Variants in PDS5B observed in about 807,000 individuals in gnomAD.
The protein encoded by PDS5B is sister chromatid cohesion protein PDS5 homolog B.
PDS5B carries 51 observed loss-of-function variants against 184.1 expected under a neutral mutation model. The ratio of observed to expected loss-of-function variants is 0.28; its 90% confidence interval spans 0.22 to 0.35. The LOEUF (loss-of-function observed/expected upper bound fraction) is 0.35. Among genes scored for constraint, PDS5B ranks in the 10% least tolerant of loss-of-function variants. The pLI, the probability that PDS5B is intolerant of heterozygous loss-of-function variation, is 1.00. For synonymous variants in PDS5B, 566 were observed against 569.2 expected (o/e 0.99, Z 0.08); for missense variants, 1,180 against 1,723.3 (o/e 0.68, Z 5.58).
At chr13:32,601,968 C>T (rs1418320291) in intron 1 of PDS5B, among the ~76,000 whole-genome samples, 1 of 151,914 alleles carries the variant, frequency 6.6e-6, no homozygotes, top group South Asian at 2.1e-4. Flanking sequence ...GAACATTGTC[C>T]GTTTTGTTTT....
rs540716528 is a variant in PDS5B, at chr13:32,654,847, T to C, written c.312+2840T>C. Reference sequence around the variant, plus strand: ...TGGCTTCCAGTGGCATCCATGTTGCTGCACAGGACATAATCTCATTTTTTA... The same window carrying C: ...TGGCTTCCAGTGGCATCCATGTTGCCGCACAGGACATAATCTCATTTTTTA... On this transcript the variant is annotated intron_variant, in intron 3 of 34. Coordinates refer to ENST00000315596, the MANE Select transcript of PDS5B (RefSeq NM_015032.4). 2.6e-3 allele frequency among the ~76,000 whole-genome samples: 391 copies of C among 152,308 alleles called. 2 individuals carry two copies. Among genetic ancestry groups the C allele is most frequent in the African/African-American group, 9.1e-3 (378 of 41,570 alleles).
At chr13:32,694,167 C>A in intron 13 of PDS5B, 56 bp from the exon 14 acceptor site, 1 of 1,207,172 alleles carries the variant, frequency 8.3e-7, no homozygotes, top group Non-Finnish European at 1.2e-6. Flanking sequence ...TAGTAATATT[C>A]TAGAAAGATT....
At chr13:32,700,137 T>C (rs1302654286) in intron 16 of PDS5B, among the ~76,000 whole-genome samples, 4 of 152,182 alleles carry the variant, frequency 2.6e-5, no homozygotes, top group Admixed American at 2.0e-4. Context: ...AGCATACCAC[T>C]GAATACATGT....
chr13:32,679,340 T>C (rs1432658579), intron 10 of PDS5B, among the ~76,000 whole-genome samples: 2 of 152,232 alleles, frequency 1.3e-5, no homozygotes, highest in African/African-American at 4.8e-5. Flanking sequence ...GACATTTTCA[T>C]AGATGCTTCC....
intron 11 of PDS5B, among the ~76,000 whole-genome samples, chr13:32,686,648 G>A (rs941597000): frequency 1.3e-5 from 2 of 152,062 alleles, no homozygotes; most frequent in Non-Finnish European, 2.9e-5. Context: ...AGCTAGGTGT[G>A]GCATTGTATG....
chr13:32,711,052 G>A (rs904011341), intron 19 of PDS5B, among the ~76,000 whole-genome samples: 8 of 151,710 alleles, frequency 5.3e-5, no homozygotes, highest in African/African-American at 1.5e-4. Flanking sequence ...GTGTAGTGTG[G>A]TGTGATCTCA....
chr13:32,684,339 T>G (rs1045203373), intron 11 of PDS5B, among the ~76,000 whole-genome samples: 1 of 152,246 alleles, frequency 6.6e-6, no homozygotes, highest in South Asian at 2.1e-4. Flanking sequence ...ACTTCTCTTA[T>G]GTTGTTGACT....
chr13:32,586,804 C>T (rs2057684238), intron 1 of PDS5B, among the ~76,000 whole-genome samples: 1 of 132,392 alleles, frequency 7.6e-6, no homozygotes, highest in Non-Finnish European at 1.6e-5. Context: ...TCGCGGGGCG[C>T]GGGCCGGCTG....
intron 33 of PDS5B, among the ~76,000 whole-genome samples, chr13:32,771,745 C>G (rs1204892593): frequency 6.6e-6 from 1 of 151,964 alleles, no homozygotes; most frequent in African/African-American, 2.4e-5. Flanking sequence ...TCAACCAAAT[C>G]ACTATTTCTA....
intron 7 of PDS5B, among the ~76,000 whole-genome samples, chr13:32,672,125 G>A (rs150581437): frequency 9.9e-5 from 15 of 152,240 alleles, no homozygotes; most frequent in Non-Finnish European, 1.0e-4. Context: ...GTTGTAAACC[G>A]TGTAGATATG....
chr13:32,618,048 A>AG (rs1258551687), intron 1 of PDS5B, among the ~76,000 whole-genome samples: 1 of 152,178 alleles, frequency 6.6e-6, no homozygotes, highest in African/African-American at 2.4e-5. Context: ...ATATGGTGGA[A>AG]GGAAGGCGGA....
intron 1 of PDS5B, among the ~76,000 whole-genome samples, chr13:32,630,187 A>G (rs1257213248): frequency 6.6e-6 from 1 of 152,230 alleles, no homozygotes; most frequent in Non-Finnish European, 1.5e-5. Context: ...GTACATTATC[A>G]CATGCATGCA....
chr13:32,658,742 G>A (rs748512347), intron 5 of PDS5B, among the ~76,000 whole-genome samples: 1 of 152,122 alleles, frequency 6.6e-6, no homozygotes, highest in Non-Finnish European at 1.5e-5. Context: ...TAAGGCCAGT[G>A]TAAAATTTTT....
chr13:32,611,112 T>C (rs1405173393), intron 1 of PDS5B, among the ~76,000 whole-genome samples: 1 of 152,296 alleles, frequency 6.6e-6, no homozygotes, highest in African/African-American at 2.4e-5. Flanking sequence ...GGAGAAAAAC[T>C]ATCCCACAGG....
chr13:32,680,459 G>C (rs1461097344), intron 10 of PDS5B, among the ~76,000 whole-genome samples: 1 of 152,192 alleles, frequency 6.6e-6, no homozygotes, highest in African/African-American at 2.4e-5. Context: ...AGAAGTTAAA[G>C]GTGAGTTACT....
chr13:32,731,169 T>A (rs951783380), intron 19 of PDS5B, among the ~76,000 whole-genome samples: 2 of 152,200 alleles, frequency 1.3e-5, no homozygotes, highest in Non-Finnish European at 2.9e-5. Context: ...TAGGAATATA[T>A]TTCTTTTAAT....
rs1950443420 is a variant in PDS5B, at chr13:32,654,320, G to A, written c.312+2313G>A. 2.6e-5 allele frequency among the ~76,000 whole-genome samples: 4 copies of A among 152,138 alleles called. No homozygotes were observed. In the South Asian group the frequency reaches 8.3e-4, roughly 32 times the overall value. On this transcript the variant is annotated intron_variant, in intron 3 of 34. Coordinates refer to ENST00000315596, the MANE Select transcript of PDS5B (RefSeq NM_015032.4). ...AGCCTTACCTTTCCACTTTCAGTTA[G>A]TTATTGTCATCAGCAAACCCCTTTT... is the stretch of plus-strand genomic sequence containing the variant.
intron 1 of PDS5B, among the ~76,000 whole-genome samples, chr13:32,629,977 AAAAG>A (rs1272884245): frequency 1.3e-5 from 2 of 152,226 alleles, no homozygotes; most frequent in African/African-American, 4.8e-5. Context: ...AGCCAAAAAG[AAAAG>A]AAAGAAGATA....
Position 32,758,607 on chromosome 13 carries a change from C to T in PDS5B, c.3263C>T (p.Pro1088Leu). 6.2e-7 allele frequency: 1 copy of T among 1,613,392 alleles called. No homozygotes were observed. The highest frequency in any genetic ancestry group is 8.5e-7 in the Non-Finnish European group (1 of 1,179,426). The change falls in exon 28 of 35, where the codon CCT becomes CTT. Residue 1088 changes from proline (P) to leucine (L), a missense_variant. Physicochemically the swap from Pro to Leu is moderately conservative, Grantham distance 98. Transcript: ENST00000315596. ...AGTACTACATACAGTTTGGAATCTCCTAAAGACCCGGTACTACCAGCTCGT... is the reference window on the plus strand; with the variant it reads ...AGTACTACATACAGTTTGGAATCTCTTAAAGACCCGGTACTACCAGCTCGT... Reference protein sequence around the residue: ...SKSTTYSLESPKDPVLPARFF... With the variant: ...SKSTTYSLESLKDPVLPARFF...
Sources: allele counts gnomAD v4.1 joint callset (sites outside exome capture counted in the v4.1 genomes callset), GRCh38; gene constraint gnomAD v4.1.1; transcripts MANE v1.5; gene names NCBI Gene and HGNC (gene_info 2026-07-23, HGNC 2026-07-21).